Variants in AOC3 observed in about 807,000 individuals in gnomAD.
AOC3 encodes the protein amine oxidase copper containing 3, also known as amine oxidase [copper-containing] 3.
AOC3 carries 47 observed loss-of-function variants against 55.4 expected under a neutral mutation model. The ratio of observed to expected loss-of-function variants is 0.85; its 90% CI spans 0.67 to 1.08. The LOEUF (loss-of-function observed/expected upper bound fraction) is 1.08. Among genes scored for constraint, AOC3 ranks in the 50% least tolerant of loss-of-function variants. The pLI is 0.00. For missense variants in AOC3, 853 were observed against 993.1 expected (o/e 0.86, Z 1.90); for synonymous variants, 386 against 410.7 (o/e 0.94, Z 0.73).
Position 42,852,431 on chromosome 17 carries a change from T to C in AOC3, c.1088T>C (p.Ile363Thr). The C allele has an allele frequency of 6.2e-7, 1 of 1,614,204 alleles. No individual in the cohort carries two copies. Among genetic ancestry groups the C allele is most frequent in the Non-Finnish European group, 8.5e-7 (1 of 1,180,048 alleles). ...RFQGERLVYE[I>T]SLQEALAIYG... is the part of the protein sequence containing the mutation. ...CAAGGAGAAAGACTAGTTTATGAGA[T>C]AAGCCTCCAAGAGGCCTTGGCCATC... is the stretch of plus-strand genomic sequence containing the variant. The change falls in exon 1 of 4, where the codon ATA becomes ACA. Residue 363 changes from isoleucine (I) to threonine (T), a missense_variant. Transcript: ENST00000308423.
Position 42,855,506 on chromosome 17 carries a change from A to G in AOC3, c.1949A>G (p.Gln650Arg). The G allele has an allele frequency of 6.2e-7, 1 of 1,613,794 alleles. No homozygotes were observed. The highest frequency in any genetic ancestry group is 1.3e-5 in the African/African-American group (1 of 75,048). The change falls in exon 3 of 4, where the codon CAG becomes CGG. Residue 650 changes from glutamine (Q) to arginine (R), a missense_variant. Gln to Arg is a conservative substitution (Grantham distance 43, BLOSUM62 1). Transcript: ENST00000308423. ...CCCAGTAGCAGCAGCGTTTTCAATC[A>G]GAATGACCCTTGGGCCCCCACTGTG... ...EEPSSSSVFN[Q>R]NDPWAPTVDF...
chr17:42,852,631 T>G lies in AOC3; in HGVS notation c.1288T>G (p.Cys430Gly), dbSNP rs1235315477. The G allele has an allele frequency of 5.0e-6, 8 of 1,614,194 alleles. No individual in the cohort carries two copies. The highest frequency in any genetic ancestry group is 6.8e-6 in the Non-Finnish European group (8 of 1,180,038). ...CCCCAAGACAATACGTGATGCCTTT[T>G]GTGTGTTTGAACAGAACCAGGGCCT... is the stretch of plus-strand genomic sequence containing the variant. The part of the protein sequence containing the change: ...QAPKTIRDAF[C>G]VFEQNQGLPL... The change falls in exon 1 of 4, where the codon TGT becomes GGT. Residue 430 changes from cysteine to glycine, a missense_variant. Physicochemically the swap from Cys to Gly is radical, Grantham distance 159. Coordinates refer to ENST00000308423, the MANE Select transcript of AOC3 (RefSeq NM_003734.4).
chr17:42,853,841 C>A (rs746880466), intron 1 of AOC3, among the ~76,000 whole-genome samples: 1 of 152,226 alleles, frequency 6.6e-6, no homozygotes, highest in Non-Finnish European at 1.5e-5. Flanking sequence ...AAAACTCTTT[C>A]CTTCACGGTG....
Position 42,857,169 on chromosome 17 carries a change from C to G in AOC3, c.*619C>G. On this transcript the variant is annotated 3_prime_UTR_variant, in exon 4 of 4. Coordinates refer to ENST00000308423, the MANE Select transcript of AOC3 (RefSeq NM_003734.4). Reference sequence around the variant, plus strand: ...AGTCAAGTTCCGTCTCCTCTCCAGCCCTATGGAAGTCTCAAGGTCACGGGA... The same window carrying G: ...AGTCAAGTTCCGTCTCCTCTCCAGCGCTATGGAAGTCTCAAGGTCACGGGA... 6.5e-6 allele frequency: 1 copy of G among 153,196 alleles called. No homozygotes were observed. Among genetic ancestry groups the G allele is most frequent in the Non-Finnish European group, 1.5e-5 (1 of 68,672 alleles). 9.5% of individuals were successfully genotyped at this position (153,196 alleles called of 1,614,324 possible).
chr17:42,851,506 G>A lies in AOC3; in HGVS notation c.163G>A (p.Gly55Ser). The A allele has an allele frequency of 6.2e-7, 1 of 1,614,194 alleles. No individual in the cohort carries two copies. The highest frequency in any genetic ancestry group is 8.5e-7 in the Non-Finnish European group (1 of 1,180,036). The change falls in exon 1 of 4, where the codon GGC becomes AGC. Residue 55 changes from glycine to serine, a missense_variant. Gly to Ser is a moderately conservative substitution (Grantham distance 56). Coordinates refer to ENST00000308423, the MANE Select transcript of AOC3 (RefSeq NM_003734.4). ...CAGTGCCCAGCCTTGGACACACCCT[G>A]GCCAGAGCCAGCTGTTTGCAGACCT... Reference protein sequence around the residue: ...SPSAQPWTHPGQSQLFADLSR... With the variant: ...SPSAQPWTHPSQSQLFADLSR...
Position 42,854,647 on chromosome 17 carries a change from C to G in AOC3, c.1800C>G (p.Pro600=). 6.4e-7 allele frequency: 1 copy of G among 1,553,072 alleles called. No homozygotes were observed. The highest frequency in any genetic ancestry group is 8.7e-7 in the Non-Finnish European group (1 of 1,145,108). The change falls in exon 2 of 4, where the codon CCC becomes CCG. Residue 600 remains proline (P), a synonymous_variant. Coordinates refer to ENST00000308423, the MANE Select transcript of AOC3 (RefSeq NM_003734.4). ...ASNHSNKWGH[P]RGYRIQMLSF... is the part of the protein sequence containing the mutation. Reference sequence around the variant, plus strand: ...ACCACAGCAACAAGTGGGGTCACCCCCGGGGCTACCGCATCCAGATGCTCA... The same window carrying G: ...ACCACAGCAACAAGTGGGGTCACCCGCGGGGCTACCGCATCCAGATGCTCA...
rs1327335031 is a variant in AOC3 at position 42,852,133 on chromosome 17, G to A, written c.790G>A (p.Val264Met). 1 of 1,613,816 alleles carries A rather than the reference G, an allele frequency of 6.2e-7. No homozygotes were observed. The highest frequency in any genetic ancestry group is 8.5e-7 in the Non-Finnish European group (1 of 1,179,876). ...CCCTGCCCGCTGGACTATCCAGAAG[G>A]TGTTCTATCAAGGCCGCTACTACGA... ...LDPARWTIQK[V>M]FYQGRYYDSL... Residue 264 changes from valine (V) to methionine (M), a missense_variant, in exon 1 of 4, where the codon GTG becomes ATG. Transcript: ENST00000308423.
At chr17:42,854,280 A>G (rs774579355) in intron 1 of AOC3, 168 bp from the exon 2 acceptor site, 2 of 489,926 alleles carry the variant, frequency 4.1e-6, no homozygotes, top group Non-Finnish European at 6.6e-6. Context: ...TTACAGGTCA[A>G]CAGCTTTGGC....
intron 3 of AOC3, 25 bp downstream of exon 3, chr17:42,855,598 C>T (rs1384020710): frequency 6.2e-7 from 1 of 1,613,902 alleles, no homozygotes; most frequent in Non-Finnish European, 8.5e-7. Flanking sequence ...GTAGAGGGTA[C>T]AGGATGAGCC....
rs777738900 is a variant in AOC3 at position 42,852,819 on chromosome 17, G to A, written c.1476G>A (p.Thr492=). The stretch of plus-strand genomic sequence containing the variant: ...CCATAGAAATACGATTCTATGCCAC[G>A]GGCTACATCAGCTCGGCATTCCTCT... ...SGAIEIRFYA[T]GYISSAFLFG... is the part of the protein sequence containing the mutation. The change falls in exon 1 of 4, where the codon ACG becomes ACA. Residue 492 remains threonine, a synonymous_variant. Transcript: ENST00000308423. 157 of 1,613,922 alleles carry A rather than the reference G, an allele frequency of 9.7e-5. 1 individual carries two copies. The highest frequency in any genetic ancestry group is 1.3e-4 in the Admixed American group (8 of 60,006).
rs1567692417 is a variant in AOC3, at chr17:42,856,339, C to T, written c.2081C>T (p.Thr694Ile). The change falls in exon 4 of 4, where the codon ACA (threonine) becomes ATA (isoleucine). Residue 694 changes from threonine (T) to isoleucine (I), a missense_variant. Coordinates refer to ENST00000308423, the MANE Select transcript of AOC3 (RefSeq NM_003734.4). ...HIPHAEDIPN[T>I]VTVGNGVGFF... ...CCACATGCAGAGGACATTCCTAACA[C>T]AGTGACTGTGGGGAACGGCGTGGGC... The T allele has an allele frequency of 1.9e-6, 3 of 1,614,208 alleles. No homozygotes were observed. The African/African-American group carries it at 4.0e-5, about 22-fold the overall frequency.
rs907001223 is a variant in AOC3 at position 42,856,458 on chromosome 17, T to C, written c.2200T>C (p.Cys734Arg). ...CCGAGGGGACCAGGATGCTGGGGCC[T>C]GCGAGGTCAACCCCCTAGCTTGCCT... ...YFRGDQDAGACEVNPLACLPQ... is the reference protein window; with the variant it reads ...YFRGDQDAGAREVNPLACLPQ... The change falls in exon 4 of 4, where the codon TGC becomes CGC. Residue 734 changes from cysteine to arginine, a missense_variant. Transcript: ENST00000308423. The C allele has an allele frequency of 3.1e-6, 5 of 1,613,490 alleles. No individual in the cohort carries two copies. In the African/African-American group the frequency reaches 6.7e-5, roughly 22 times the overall value.
At chr17:42,853,413 C>T in intron 1 of AOC3, 1 of 995,672 alleles carries the variant, frequency 1.0e-6, no homozygotes, top group Non-Finnish European at 1.2e-6. Context: ...ACCCTCCTCC[C>T]TGATTTTCCT....
At chr17:42,854,399 G>A in intron 1 of AOC3, 49 bp from the exon 2 acceptor site, 3 of 1,425,966 alleles carry the variant, frequency 2.1e-6, no homozygotes, top group Non-Finnish European at 2.8e-6. Flanking sequence ...GAGTCCAGAG[G>A]GGCCAGGGCA....
Position 42,852,556 on chromosome 17 carries a change from C to A in AOC3, c.1213C>A (p.Pro405Thr). The A allele has an allele frequency of 6.2e-7, 1 of 1,614,198 alleles. No homozygotes were observed. Among genetic ancestry groups the A allele is most frequent in the Non-Finnish European group, 8.5e-7 (1 of 1,180,038 alleles). The change falls in exon 1 of 4, where the codon CCC becomes ACC. Residue 405 changes from proline to threonine, a missense_variant. Physicochemically the swap from Pro to Thr is conservative, Grantham distance 38. Transcript: ENST00000308423. ...TTPLTRGVDCPYLATYVDWHF... is the reference protein window; with the variant it reads ...TTPLTRGVDCTYLATYVDWHF... Reference sequence around the variant, plus strand: ...GCCCCTGACCCGTGGGGTGGACTGCCCCTACTTGGCCACCTACGTGGACTG... The same window carrying A: ...GCCCCTGACCCGTGGGGTGGACTGCACCTACTTGGCCACCTACGTGGACTG...
At chr17:42,855,325 G>A (rs948357904) in intron 2 of AOC3, 119 bp from the exon 3 acceptor site, 11 of 1,365,868 alleles carry the variant, frequency 8.1e-6, no homozygotes, top group African/African-American at 5.8e-5. Context: ...CTGTAGCGCC[G>A]AGTCAGTTGT....
rs2055751148 is a variant in AOC3 at position 42,856,480 on chromosome 17, G to T, written c.2222G>T (p.Cys741Phe). 4.3e-6 allele frequency: 7 copies of T among 1,612,122 alleles called. No individual in the cohort carries two copies. Among genetic ancestry groups the T allele is most frequent in the Non-Finnish European group, 5.9e-6 (7 of 1,178,780 alleles). ...AGACEVNPLACLPQAAACAPD... is the reference protein window; with the variant it reads ...AGACEVNPLAFLPQAAACAPD... ...GCCTGCGAGGTCAACCCCCTAGCTTGCCTGCCCCAGGCTGCTGCCTGTGCC... is the reference window on the plus strand; with the variant it reads ...GCCTGCGAGGTCAACCCCCTAGCTTTCCTGCCCCAGGCTGCTGCCTGTGCC... The change falls in exon 4 of 4, where the codon TGC becomes TTC. Residue 741 changes from cysteine (C) to phenylalanine (F), a missense_variant. Cys to Phe is a radical substitution (Grantham distance 205, BLOSUM62 -2). Coordinates refer to ENST00000308423, the MANE Select transcript of AOC3 (RefSeq NM_003734.4).
Position 42,851,233 on chromosome 17 carries a change from A to C in AOC3, c.-111A>C. The C allele has an allele frequency of 9.5e-7, 1 of 1,052,476 alleles. No individual in the cohort carries two copies. The highest frequency in any genetic ancestry group is 1.3e-6 in the Non-Finnish European group (1 of 779,674). The allele number at this position is 1,052,476 out of a possible 1,614,324, so 65.2% of individuals were successfully genotyped here. The stretch of plus-strand genomic sequence containing the variant: ...CATCTGACTACCGGGAACCTCAGCC[A>C]GAGTCCGGGAGCCCCCCACCCCGTC... On this transcript the variant is annotated 5_prime_UTR_variant, in exon 1 of 4. Coordinates refer to ENST00000308423, the MANE Select transcript of AOC3 (RefSeq NM_003734.4).
intron 3 of AOC3, 54 bp downstream of exon 3, chr17:42,855,627 G>A: frequency 1.8e-5 from 29 of 1,611,680 alleles, no homozygotes; most frequent in Non-Finnish European, 2.4e-5. Context: ...TCTTGGGAGG[G>A]TCCCTGAAAA....
Sources: allele counts gnomAD v4.1 joint callset (sites outside exome capture counted in the v4.1 genomes callset), GRCh38; gene constraint gnomAD v4.1.1; transcripts MANE v1.5; gene names NCBI Gene and HGNC (gene_info 2026-07-23, HGNC 2026-07-21).